LGSN: variants seen among roughly 807,000 people sequenced by gnomAD.
LGSN encodes the protein lengsin, lens protein with glutamine synthetase domain.
A neutral mutation model predicts 19.5 loss-of-function variants in LGSN; 21 were observed. That is an observed-to-expected ratio of 1.07 (90% CI 0.76 to 1.55). LGSN has a LOEUF of 1.55. LGSN is among the 40% of genes most tolerant of loss of function. The pLI is 0.00. For missense variants in LGSN, 673 were observed against 608.5 expected (o/e 1.11, Z -1.12); for synonymous variants, 257 against 215.6 (o/e 1.19, Z -1.68).
the LGSN span, among the ~76,000 whole-genome samples, chr6:63,449,159 C>A: frequency 0.46 from 69,949 of 151,938 alleles, 17,913 homozygotes; most frequent in Non-Finnish European, 0.56. Context: ...AGAGAGACAA[C>A]TGTACCTATA....
At chr6:63,422,641 C>T in the LGSN span, among the ~76,000 whole-genome samples, 1 of 151,940 alleles carries the variant, frequency 6.6e-6, no homozygotes, top group African/African-American at 2.4e-5. Context: ...TTACCTTTCC[C>T]TCAAATGTCT....
At chr6:63,454,965 G>C in the LGSN span, among the ~76,000 whole-genome samples, 6 of 150,900 alleles carry the variant, frequency 4.0e-5, no homozygotes, top group Non-Finnish European at 8.9e-5. Context: ...GCTAATTTTT[G>C]TATTTTTGGT....
chr6:63,351,560 G>A, the LGSN span, among the ~76,000 whole-genome samples: 1 of 152,108 alleles, frequency 6.6e-6, no homozygotes, highest in Non-Finnish European at 1.5e-5. Flanking sequence ...CCAGGTTCAA[G>A]TGATTCTTGT....
At chr6:63,572,777 C>G in the LGSN span, 1 of 398,440 alleles carries the variant, frequency 2.5e-6, no homozygotes, top group Non-Finnish European at 4.4e-6. Context: ...GGCCCCCCAT[C>G]CCCGCTGTCG....
the LGSN span, among the ~76,000 whole-genome samples, chr6:63,556,408 TG>T: frequency 6.6e-6 from 1 of 152,094 alleles, no homozygotes; most frequent in Non-Finnish European, 1.5e-5. Flanking sequence ...CTCAAGCTCC[TG>T]GGCTCAAGTG....
At chr6:63,321,831 T>C (rs1769091159), upstream of LGSN, among the ~76,000 whole-genome samples, 1 of 152,196 alleles carries the variant, frequency 6.6e-6, no homozygotes, top group African/African-American at 2.4e-5. Context: ...ATCTGTACTA[T>C]ATCCAGAAAG....
chr6:63,316,534 C>A lies in LGSN; in HGVS notation c.30+3380G>T, dbSNP rs115736710. Among the ~76,000 whole-genome samples, 447 of 152,094 alleles carry A rather than the reference C, an allele frequency of 2.9e-3. 3 individuals carry two copies. Among genetic ancestry groups the A allele is most frequent in the African/African-American group, 0.01 (423 of 41,512 alleles). On this transcript the variant is annotated intron_variant, in intron 1 of 3. Transcript: ENST00000370657. ...TAATATGAAGCTAAATAATAAAGAA[C>A]ACTAAAATAATAAAGGAAGCAAAAA...
the LGSN span, among the ~76,000 whole-genome samples, chr6:63,567,823 T>C: frequency 6.6e-6 from 1 of 152,250 alleles, no homozygotes; most frequent in Non-Finnish European, 1.5e-5. Context: ...CCTTCATCAA[T>C]GTTCTTGGCT....
At chr6:63,368,329 T>C in the LGSN span, among the ~76,000 whole-genome samples, 2 of 152,186 alleles carry the variant, frequency 1.3e-5, no homozygotes, top group Admixed American at 6.5e-5. Flanking sequence ...TACAGCTTTA[T>C]AAAATTCCCC....
At chr6:63,412,530 G>GAAAA in the LGSN span, among the ~76,000 whole-genome samples, 1 of 53,250 alleles carries the variant, frequency 1.9e-5, no homozygotes, top group East Asian at 4.8e-4. Context: ...AAGAAAGAAG[G>GAAAA]AAAGAAAGAA....
the LGSN span, among the ~76,000 whole-genome samples, chr6:63,410,492 T>A: frequency 5.7e-4 from 87 of 152,204 alleles, no homozygotes; most frequent in Admixed American, 9.2e-4. Context: ...AAATAAAATC[T>A]TATTCAGATC....
At chr6:63,282,658 A>G (rs1033833741) in intron 3 of LGSN, among the ~76,000 whole-genome samples, 2 of 152,090 alleles carry the variant, frequency 1.3e-5, no homozygotes, top group African/African-American at 4.8e-5. Context: ...CACCATCTCT[A>G]CACATATTTT....
the LGSN span, among the ~76,000 whole-genome samples, chr6:63,569,618 T>C: frequency 1.3e-5 from 2 of 152,218 alleles, no homozygotes; most frequent in African/African-American, 4.8e-5. Context: ...CTGGCTTTTA[T>C]ATTTTGAATT....
At chr6:63,474,778 C>G in the LGSN span, among the ~76,000 whole-genome samples, 1 of 151,190 alleles carries the variant, frequency 6.6e-6, no homozygotes, top group Non-Finnish European at 1.5e-5. Flanking sequence ...AAAAAATTAG[C>G]TGGGCGTGGT....
At chr6:63,443,044 G>C in the LGSN span, among the ~76,000 whole-genome samples, 1 of 152,208 alleles carries the variant, frequency 6.6e-6, no homozygotes, top group Non-Finnish European at 1.5e-5. Flanking sequence ...AGCCCACCGC[G>C]TGGGGGCTCA....
the LGSN span, among the ~76,000 whole-genome samples, chr6:63,557,698 G>T: frequency 1.3e-5 from 2 of 152,114 alleles, no homozygotes; most frequent in African/African-American, 4.8e-5. Context: ...AATCACAGTT[G>T]GTTTCAAACA....
chr6:63,425,963 G>A, the LGSN span, among the ~76,000 whole-genome samples: 2 of 152,090 alleles, frequency 1.3e-5, no homozygotes, highest in East Asian at 1.9e-4. Flanking sequence ...ACTCGGTAAA[G>A]GGTACACAAG....
the LGSN span, among the ~76,000 whole-genome samples, chr6:63,341,719 G>A: frequency 2.6e-5 from 4 of 152,108 alleles, no homozygotes; most frequent in African/African-American, 4.8e-5. Flanking sequence ...GTCAGTGGGG[G>A]CTAAAGGGAT....
the LGSN span, among the ~76,000 whole-genome samples, chr6:63,453,847 A>G: frequency 1.7e-4 from 26 of 151,988 alleles, no homozygotes; most frequent in Middle Eastern, 3.4e-3. Context: ...TAGTAGAGAC[A>G]GGGTTTCACT....
Sources: gnomAD v4.1 joint callset for allele counts (sites outside exome capture counted in the v4.1 genomes callset) on GRCh38, gnomAD v4.1.1 for gene constraint, MANE v1.5 for transcripts, NCBI Gene and HGNC (gene_info 2026-07-23, HGNC 2026-07-21) for gene names.